CDPF1: variants seen among roughly 807,000 people sequenced by gnomAD.
The protein encoded by CDPF1 is cysteine-rich DPF motif domain-containing protein 1.
A neutral mutation model predicts 8.3 loss-of-function variants in CDPF1; 8 were observed. That is an observed-to-expected ratio of 0.96 (90% confidence interval 0.57 to 1.74). The LOEUF is 1.74. Ranked by LOEUF, CDPF1 falls within the 40% of genes most tolerant of loss-of-function variation. CDPF1 has a pLI of 0.00. For missense variants in CDPF1, 151 were observed against 155.3 expected, an observed-to-expected ratio of 0.97 and a Z score of 0.15; for synonymous variants, 62 against 62.9, an observed-to-expected ratio of 0.99 and a Z score of 0.07.
chr22:46,244,927 T>A lies in CDPF1; in HGVS notation c.*165A>T, dbSNP rs1358325539. 4.9e-6 allele frequency: 4 copies of A among 819,234 alleles called. No homozygotes were observed. Among genetic ancestry groups the A allele is most frequent in the African/African-American group, 1.7e-5 (1 of 57,864 alleles). 50.7% of individuals were successfully genotyped at this position (819,234 alleles called of 1,614,324 possible). The stretch of plus-strand genomic sequence containing the variant: ...CTCTTGCTACAGCTCCCTGGGCCTG[T>A]GGCTGCTCCAAGCTGGACTCCAGCT... On this transcript the variant is annotated 3_prime_UTR_variant, in exon 4 of 4. Transcript: ENST00000314567. The surrounding 1 kb of genome is among the most constrained non-coding windows in gnomAD (Gnocchi z 6.7).
In CDPF1 at chr22:46,248,222, T is replaced by C; in HGVS notation, c.63A>G (p.Thr21=). Residue 21 remains threonine, a synonymous_variant, in exon 2 of 4, where the codon ACA becomes ACG. Transcript: ENST00000314567. The surrounding 1 kb of genome is among the most constrained non-coding windows in gnomAD (Gnocchi z 4.1). ...TCTGTCCCACATAGCTGTACGGAGC[T>C]GTCAAGGTACAGAGTTCACACTCAA... The part of the protein sequence containing the change: ...GVFECELCTL[T]APYSYVGQKP... 1 of 1,613,912 alleles carries C rather than the reference T, an allele frequency of 6.2e-7. No individual in the cohort carries two copies. Among genetic ancestry groups the C allele is most frequent in the Non-Finnish European group, 8.5e-7 (1 of 1,179,920 alleles).
chr22:46,245,696 G>C lies in CDPF1; in HGVS notation c.226-458C>G, dbSNP rs1465496482. Among the ~76,000 whole-genome samples, 1 of 152,230 alleles carries C rather than the reference G, an allele frequency of 6.6e-6. No homozygotes were observed. The highest frequency in any genetic ancestry group is 1.5e-5 in the Non-Finnish European group (1 of 68,032). ...GCCAGCTAGTCTGGGCAGGAGGCCA[G>C]AACCGTGCAGCCATGTCCGCTCTCC... On this transcript the variant is annotated intron_variant, in intron 3 of 3. Transcript: ENST00000314567. This position sits in a 1 kb window ranked among gnomAD's most constrained non-coding sequence, Gnocchi z 6.9.
chr22:46,247,917 C>T lies in CDPF1; in HGVS notation c.113+255G>A, dbSNP rs527564245. ...CCAAAGGGGGAGGCCACCACAGGTC[C>T]CCCAGCTGCTGAGCTGCTCCCCCAC... On this transcript the variant is annotated intron_variant, in intron 2 of 3. Transcript: ENST00000314567. This position sits in a 1 kb window ranked among gnomAD's most constrained non-coding sequence, Gnocchi z 4.3. Among the ~76,000 whole-genome samples the T allele has an allele frequency of 3.3e-5, 5 of 152,328 alleles. No homozygotes were observed. The highest frequency in any genetic ancestry group is 3.3e-4 in the Admixed American group (5 of 15,304).
Position 46,248,252 on chromosome 22 carries a change from T to G in CDPF1, c.33A>C (p.Gly11=). The part of the protein sequence containing the change: MASHVECRPL[G]VFECELCTLT... The stretch of plus-strand genomic sequence containing the variant: ...AGGTACAGAGTTCACACTCAAACAC[T>G]CCCAGAGGACGGCACTCTACATGGG... The change falls in exon 2 of 4, where the codon GGA becomes GGC. Residue 11 remains glycine, a synonymous_variant. Coordinates refer to ENST00000314567, the MANE Select transcript of CDPF1 (RefSeq NM_207327.5). The surrounding 1 kb of genome is among the most constrained non-coding windows in gnomAD (Gnocchi z 4.1). The G allele has an allele frequency of 6.2e-7, 1 of 1,613,564 alleles. No homozygotes were observed. The highest frequency in any genetic ancestry group is 8.5e-7 in the Non-Finnish European group (1 of 1,179,784).
In CDPF1 at chr22:46,248,314, G is replaced by A; in HGVS notation, c.1-30C>T. On this transcript the variant is annotated intron_variant, in intron 1 of 3. Transcript: ENST00000314567. This position sits in a 1 kb window ranked among gnomAD's most constrained non-coding sequence, Gnocchi z 4.1. Reference sequence around the variant, plus strand: ...AAGATCAAGAGATGGGGTGTCCCTGGGTCACAGGCTTTCTCAGGAATCCTG... The same window carrying A: ...AAGATCAAGAGATGGGGTGTCCCTGAGTCACAGGCTTTCTCAGGAATCCTG... The A allele has an allele frequency of 7.0e-7, 1 of 1,430,334 alleles. No homozygotes were observed. Among genetic ancestry groups the A allele is most frequent in the Non-Finnish European group, 9.8e-7 (1 of 1,019,108 alleles). 88.6% of individuals were successfully genotyped at this position (1,430,334 alleles called of 1,614,324 possible).
Position 46,246,166 on chromosome 22 carries a change from G to A in CDPF1, c.226-928C>T, listed in dbSNP as rs994922370. On this transcript the variant is annotated intron_variant, in intron 3 of 3. Coordinates refer to ENST00000314567, the MANE Select transcript of CDPF1 (RefSeq NM_207327.5). This position sits in a 1 kb window ranked among gnomAD's most constrained non-coding sequence, Gnocchi z 7.1. ...CTGCAGTTCTTAGAAAAGACCCTTCGCCATGGAGATCCGCTCACTAACAAC... is the reference window on the plus strand; with the variant it reads ...CTGCAGTTCTTAGAAAAGACCCTTCACCATGGAGATCCGCTCACTAACAAC... Among the ~76,000 whole-genome samples, 7 of 152,252 alleles carry A rather than the reference G, an allele frequency of 4.6e-5. No homozygotes were observed. In the South Asian group the frequency reaches 6.2e-4, roughly 14 times the overall value.
Position 46,244,824 on chromosome 22 carries a change from C to G in CDPF1, c.*268G>C. ...ACATCTGAGCAGCACTCACTCAGGC[C>G]TGGGCCCTGAGGGGCATGTGGGGGG... On this transcript the variant is annotated 3_prime_UTR_variant, in exon 4 of 4. Transcript: ENST00000314567. This position sits in a 1 kb window ranked among gnomAD's most constrained non-coding sequence, Gnocchi z 6.7. The G allele has an allele frequency of 2.2e-6, 1 of 456,676 alleles. No homozygotes were observed. The highest frequency in any genetic ancestry group is 4.0e-6 in the Non-Finnish European group (1 of 246,926). 28.3% of individuals were successfully genotyped at this position (456,676 alleles called of 1,614,324 possible).
In CDPF1 at chr22:46,247,146, G is replaced by A. The variant is rs1299328630; in HGVS notation, c.189C>T (p.Cys63=). The A allele has an allele frequency of 1.5e-5, 24 of 1,613,854 alleles. No homozygotes were observed. In the African/African-American group the frequency reaches 3.1e-4, roughly 21 times the overall value. ...DKDRFLVLGS[C]CSLCSRLVCV... is the part of the protein sequence containing the mutation. ...ACACCAGCCTGCTGCACAAACTGCA[G>A]CACGAGCCGAGGACCAGGAATCTGT... Residue 63 remains cysteine (C), a synonymous_variant, in exon 3 of 4, where the codon TGC becomes TGT. Coordinates refer to ENST00000314567, the MANE Select transcript of CDPF1 (RefSeq NM_207327.5). This position sits in a 1 kb window ranked among gnomAD's most constrained non-coding sequence, Gnocchi z 4.3.
rs1569266045 is a variant in CDPF1 at position 46,247,307 on chromosome 22, C to T, written c.114-86G>A. 2 of 896,012 alleles carry T rather than the reference C, an allele frequency of 2.2e-6. No homozygotes were observed. Among genetic ancestry groups the T allele is most frequent in the African/African-American group, 1.6e-5 (1 of 60,624 alleles). The allele number at this position is 896,012 out of a possible 1,614,324, so 55.5% of individuals were successfully genotyped here. The stretch of plus-strand genomic sequence containing the variant: ...ATGACCTATGGCCAGGCAGCAGCAG[C>T]CTGCACCTCTGCAGGGCCTGCATAC... On this transcript the variant is annotated intron_variant, in intron 2 of 3. Transcript: ENST00000314567. The surrounding 1 kb of genome is among the most constrained non-coding windows in gnomAD (Gnocchi z 4.3).
Position 46,246,242 on chromosome 22 carries a change from C to T in CDPF1, c.225+868G>A, listed in dbSNP as rs1205623303. Among the ~76,000 whole-genome samples, 1 of 151,966 alleles carries T rather than the reference C, an allele frequency of 6.6e-6. No homozygotes were observed. The highest frequency in any genetic ancestry group is 1.5e-5 in the Non-Finnish European group (1 of 67,978). On this transcript the variant is annotated intron_variant, in intron 3 of 3. Coordinates refer to ENST00000314567, the MANE Select transcript of CDPF1 (RefSeq NM_207327.5). This position sits in a 1 kb window ranked among gnomAD's most constrained non-coding sequence, Gnocchi z 7.1. ...AGACTTGTGGTACCTGCGTGCGCCC[C>T]CCACCCCCGCCACCCCGCTGCTCAC...
Position 46,245,363 on chromosome 22 carries a change from G to T in CDPF1, c.226-125C>A. ...GGCCCCAGCATGCACAGTGTGGGCA[G>T]GTGGCCAGAGCTAGACCAGCAAGAG... On this transcript the variant is annotated intron_variant, in intron 3 of 3. Coordinates refer to ENST00000314567, the MANE Select transcript of CDPF1 (RefSeq NM_207327.5). This position sits in a 1 kb window ranked among gnomAD's most constrained non-coding sequence, Gnocchi z 6.9. The T allele has an allele frequency of 1.0e-6, 1 of 974,702 alleles. No individual in the cohort carries two copies. The highest frequency in any genetic ancestry group is 1.5e-6 in the Non-Finnish European group (1 of 663,362). 60.4% of individuals were successfully genotyped at this position (974,702 alleles called of 1,614,324 possible). A position where few individuals can be genotyped will look rare whatever the true frequency, so the allele number is the denominator to read the frequency against.
At position 46,246,629 on chromosome 22, in the gene CDPF1, A is replaced by G; in HGVS notation, c.225+481T>C. 6.5e-7 allele frequency: 1 copy of G among 1,539,278 alleles called. No individual in the cohort carries two copies. Among genetic ancestry groups the G allele is most frequent in the Non-Finnish European group, 8.8e-7 (1 of 1,140,184 alleles). On this transcript the variant is annotated intron_variant, in intron 3 of 3. Coordinates refer to ENST00000314567, the MANE Select transcript of CDPF1 (RefSeq NM_207327.5). The surrounding 1 kb of genome is among the most constrained non-coding windows in gnomAD (Gnocchi z 7.1). ...GGCCCACCCAGCCTCTCTGAAGCTC[A>G]GTTCCCTCATCTATAAAATGGGTGG...
Position 46,247,245 on chromosome 22 carries a change from C to G in CDPF1, c.114-24G>C. On this transcript the variant is annotated intron_variant, in intron 2 of 3. Transcript: ENST00000314567. The surrounding 1 kb of genome is among the most constrained non-coding windows in gnomAD (Gnocchi z 4.3). ...GGCTGCAGGAGAGTGAATGCAGCGT[C>G]AGAACAGCCCAAATCTCTGCCGTCG... 1 of 1,504,562 alleles carries G rather than the reference C, an allele frequency of 6.6e-7. No individual in the cohort carries two copies. The highest frequency in any genetic ancestry group is 1.7e-4 in the Middle Eastern group (1 of 5,828). 93.2% of individuals were successfully genotyped at this position (1,504,562 alleles called of 1,614,324 possible).
Position 46,245,155 on chromosome 22 carries a change from T to A in CDPF1, c.309A>T (p.Gln103His), listed in dbSNP as rs1338161655. 1.2e-6 allele frequency: 2 copies of A among 1,614,260 alleles called. No homozygotes were observed. The highest frequency in any genetic ancestry group is 2.7e-5 in the African/African-American group (2 of 75,068). ...ATGGAGCTTTCCTTTTCTCCAAGTC[T>A]TGCCGAATTTCCTGAGGAAAAGCAT... ...NINAFPQEIR[Q>H]DLEKRKAPSK... The change falls in exon 4 of 4, where the codon CAA (glutamine) becomes CAT (histidine). Residue 103 changes from glutamine to histidine, a missense_variant. Physicochemically the swap from Gln to His is conservative, Grantham distance 24. Coordinates refer to ENST00000314567, the MANE Select transcript of CDPF1 (RefSeq NM_207327.5). This position sits in a 1 kb window ranked among gnomAD's most constrained non-coding sequence, Gnocchi z 6.9.
Position 46,247,071 on chromosome 22 carries a change from A to G in CDPF1, c.225+39T>C. On this transcript the variant is annotated intron_variant, in intron 3 of 3. Transcript: ENST00000314567. The surrounding 1 kb of genome is among the most constrained non-coding windows in gnomAD (Gnocchi z 4.3). Reference sequence around the variant, plus strand: ...CCAGGGAGAGCTCCAGGATAACCACAGCAAGGACAGGTGGCCCCAGCCCAC... The same window carrying G: ...CCAGGGAGAGCTCCAGGATAACCACGGCAAGGACAGGTGGCCCCAGCCCAC... The G allele has an allele frequency of 6.6e-7, 1 of 1,521,618 alleles. No homozygotes were observed. Among genetic ancestry groups the G allele is most frequent in the Non-Finnish European group, 9.1e-7 (1 of 1,100,526 alleles). The allele number at this position is 1,521,618 out of a possible 1,614,324, so 94.3% of individuals were successfully genotyped here.
rs548969289 is a variant in CDPF1, at chr22:46,249,669, T to A, written c.-1+587A>T. ...TTCTCAAAAAAATAAAAATTAAAATTAAATAAAATAAAATATTAGCCGGGC... is the reference window on the plus strand; with the variant it reads ...TTCTCAAAAAAATAAAAATTAAAATAAAATAAAATAAAATATTAGCCGGGC... On this transcript the variant is annotated intron_variant, in intron 1 of 3. Transcript: ENST00000314567. This position sits in a 1 kb window ranked among gnomAD's most constrained non-coding sequence, Gnocchi z 4.6. 4.8e-4 allele frequency among the ~76,000 whole-genome samples: 69 copies of A among 144,722 alleles called. No homozygotes were observed. The highest frequency in any genetic ancestry group is 1.7e-3 in the South Asian group (8 of 4,630). The allele number at this position is 144,722 out of a possible 152,430, so 94.9% of individuals were successfully genotyped here.
In CDPF1 at chr22:46,247,249, A is replaced by G; in HGVS notation, c.114-28T>C. ...GCAGGAGAGTGAATGCAGCGTCAGA[A>G]CAGCCCAAATCTCTGCCGTCGGAAA... On this transcript the variant is annotated intron_variant, in intron 2 of 3. Coordinates refer to ENST00000314567, the MANE Select transcript of CDPF1 (RefSeq NM_207327.5). The surrounding 1 kb of genome is among the most constrained non-coding windows in gnomAD (Gnocchi z 4.3). 6.7e-7 allele frequency: 1 copy of G among 1,497,420 alleles called. No individual in the cohort carries two copies. The highest frequency in any genetic ancestry group is 9.3e-7 in the Non-Finnish European group (1 of 1,077,998). The allele number at this position is 1,497,420 out of a possible 1,614,324, so 92.8% of individuals were successfully genotyped here.
In CDPF1 at chr22:46,249,622, C is replaced by T. The variant is rs955258137; in HGVS notation, c.-1+634G>A. Among the ~76,000 whole-genome samples the T allele has an allele frequency of 5.9e-5, 9 of 152,120 alleles. No homozygotes were observed. Among genetic ancestry groups the T allele is most frequent in the Non-Finnish European group, 1.3e-4 (9 of 68,024 alleles). On this transcript the variant is annotated intron_variant, in intron 1 of 3. Coordinates refer to ENST00000314567, the MANE Select transcript of CDPF1 (RefSeq NM_207327.5). This position sits in a 1 kb window ranked among gnomAD's most constrained non-coding sequence, Gnocchi z 4.6. ...CGAGATTGTGCCACTGTACTCCAGC[C>T]TGGGCGACAGGGCGAGACTCCTTCT...
In CDPF1 at chr22:46,246,639, T is replaced by C; in HGVS notation, c.225+471A>G. On this transcript the variant is annotated intron_variant, in intron 3 of 3. Coordinates refer to ENST00000314567, the MANE Select transcript of CDPF1 (RefSeq NM_207327.5). The surrounding 1 kb of genome is among the most constrained non-coding windows in gnomAD (Gnocchi z 7.1). ...GCCTCTCTGAAGCTCAGTTCCCTCA[T>C]CTATAAAATGGGTGGAATATAATAC... The C allele has an allele frequency of 6.5e-7, 1 of 1,544,904 alleles. No individual in the cohort carries two copies. Among genetic ancestry groups the C allele is most frequent in the Non-Finnish European group, 8.7e-7 (1 of 1,143,802 alleles).
Sources: gnomAD v4.1 joint callset for allele counts (sites outside exome capture counted in the v4.1 genomes callset) on GRCh38, gnomAD v4.1.1 for gene constraint, Gnocchi (gnomAD v3.1) non-coding constraint, MANE v1.5 for transcripts, NCBI Gene and HGNC (gene_info 2026-07-23, HGNC 2026-07-21) for gene names.